The following BEND3 variants were observed in gnomAD, a reference collection of about 807,000 sequenced individuals.
BEND3 encodes BEN domain-containing protein 3.
Under a neutral mutation model 60.1 loss-of-function variants are expected in BEND3, and 13 were observed. The ratio of observed to expected loss-of-function variants is 0.22; its 90% CI spans 0.14 to 0.34. BEND3 has a LOEUF of 0.34. BEND3 is among the 10% of genes least tolerant of loss of function. BEND3 has a pLI of 1.00. For synonymous variants in BEND3, 497 were observed against 491.5 expected (o/e 1.01, Z -0.15); for missense variants, 896 against 1,138.1 (o/e 0.79, Z 3.06).
chr6:107,072,173 T>C (rs1562299745), intron 3 of BEND3, among the ~76,000 whole-genome samples: 1 of 152,208 alleles, frequency 6.6e-6, no homozygotes, highest in Non-Finnish European at 1.5e-5. Flanking sequence ...CTGACAGGCA[T>C]GTGCCTCGGG....
intron 3 of BEND3, among the ~76,000 whole-genome samples, chr6:107,083,369 C>T (rs1226450704): frequency 1.3e-5 from 2 of 152,120 alleles, no homozygotes; most frequent in South Asian, 2.1e-4. Context: ...CCTGTAATCC[C>T]GGCACTTTGG....
At chr6:107,080,370 A>AAC (rs1775204177) in intron 3 of BEND3, among the ~76,000 whole-genome samples, 1 of 145,268 alleles carries the variant, frequency 6.9e-6, no homozygotes, top group Non-Finnish European at 1.5e-5. Flanking sequence ...AAAAAAAAAA[A>AAC]AAAAAAACAA....
At chr6:107,101,736 G>T (rs1554236766) in intron 1 of BEND3, among the ~76,000 whole-genome samples, 2 of 152,162 alleles carry the variant, frequency 1.3e-5, no homozygotes, top group Non-Finnish European at 1.5e-5. Flanking sequence ...TCTGAGCTGG[G>T]TGTCTCTGAG....
At chr6:107,107,117 A>G (rs1165102118) in intron 1 of BEND3, among the ~76,000 whole-genome samples, 13 of 151,442 alleles carry the variant, frequency 8.6e-5, no homozygotes, top group African/African-American at 3.2e-4. Context: ...TTGTATTTTT[A>G]GTAGAGACAG....
intron 3 of BEND3, among the ~76,000 whole-genome samples, chr6:107,090,588 G>A (rs531587455): frequency 6.6e-5 from 10 of 152,080 alleles, no homozygotes; most frequent in East Asian, 1.9e-4. Context: ...GTGTGTGCAC[G>A]CGCGTGTGCA....
chr6:107,103,541 C>G (rs1321818425), intron 1 of BEND3, among the ~76,000 whole-genome samples: 1 of 152,196 alleles, frequency 6.6e-6, no homozygotes, highest in African/African-American at 2.4e-5. Flanking sequence ...CCACCATAAA[C>G]CTCAAATTAT....
intron 1 of BEND3, among the ~76,000 whole-genome samples, chr6:107,113,155 T>TA (rs111960167): frequency 0.05 from 6,321 of 125,648 alleles, 446 homozygotes; most frequent in African/African-American, 0.17. Flanking sequence ...AGACTCTGTC[T>TA]AAAAAAAAAA....
rs1582663147 is a variant in BEND3 at position 107,096,054 on chromosome 6, G to A, written c.240+2497C>T. ...GACTTTGGGCAATAATGTGTCAATG[G>A]GGGATCATCAGTTGTAATAAATGCA... On this transcript the variant is annotated intron_variant, in intron 3 of 3. Coordinates refer to ENST00000369042, the MANE Select transcript of BEND3 (RefSeq NM_001367314.1). Among the ~76,000 whole-genome samples the A allele has an allele frequency of 2.0e-5, 3 of 152,252 alleles. 1 individual carries two copies. The East Asian group carries it at 5.8e-4, about 29-fold the overall frequency.
At chr6:107,098,053 T>TA (rs1554236242) in intron 3 of BEND3, among the ~76,000 whole-genome samples, 1 of 152,114 alleles carries the variant, frequency 6.6e-6, no homozygotes, top group East Asian at 1.9e-4. Context: ...CTCACGCCTG[T>TA]AATCCCAGCA....
At chr6:107,112,089 C>T (rs1395768338) in intron 1 of BEND3, among the ~76,000 whole-genome samples, 2 of 152,158 alleles carry the variant, frequency 1.3e-5, no homozygotes, top group South Asian at 2.1e-4. Flanking sequence ...TAGCGACCTT[C>T]ATACTCTATG....
At chr6:107,075,017 C>T (rs1206319865) in intron 3 of BEND3, among the ~76,000 whole-genome samples, 4 of 151,962 alleles carry the variant, frequency 2.6e-5, no homozygotes, top group African/African-American at 9.7e-5. Flanking sequence ...AGGAGAATCA[C>T]TTGAACCCGG....
intron 1 of BEND3, among the ~76,000 whole-genome samples, chr6:107,103,872 C>T (rs868908540): frequency 6.7e-6 from 1 of 148,790 alleles, no homozygotes; most frequent in Non-Finnish European, 1.5e-5. Flanking sequence ...CGCTTGAATC[C>T]GGGAGGCGGA....
chr6:107,101,927 C>T (rs1775709633), intron 1 of BEND3, among the ~76,000 whole-genome samples: 1 of 152,078 alleles, frequency 6.6e-6, no homozygotes, highest in Admixed American at 6.6e-5. Context: ...ACAGATGGGG[C>T]AAAACGATGG....
intron 3 of BEND3, among the ~76,000 whole-genome samples, chr6:107,085,395 C>T (rs1775322738): frequency 6.6e-6 from 1 of 152,188 alleles, no homozygotes; most frequent in South Asian, 2.1e-4. Flanking sequence ...GAGAAAAATC[C>T]CCTTCTACTT....
chr6:107,103,495 T>C (rs1412446222), intron 1 of BEND3, among the ~76,000 whole-genome samples: 1 of 152,254 alleles, frequency 6.6e-6, no homozygotes, highest in African/African-American at 2.4e-5. Context: ...CTTCTCATTC[T>C]GACATTCTCT....
intron 3 of BEND3, among the ~76,000 whole-genome samples, chr6:107,086,554 G>T (rs1775352558): frequency 6.6e-6 from 1 of 151,936 alleles, no homozygotes; most frequent in African/African-American, 2.4e-5. Flanking sequence ...GGCGAAGGTT[G>T]CAGTGAGCCG....
At chr6:107,075,125 C>A (rs1364032249) in intron 3 of BEND3, among the ~76,000 whole-genome samples, 1 of 150,986 alleles carries the variant, frequency 6.6e-6, no homozygotes, top group African/African-American at 2.4e-5. Flanking sequence ...ACTAGGGAGG[C>A]TTAGGTGGGA....
chr6:107,093,219 G>A (rs1312042846), intron 3 of BEND3, among the ~76,000 whole-genome samples: 1 of 152,162 alleles, frequency 6.6e-6, no homozygotes, highest in Non-Finnish European at 1.5e-5. Context: ...CCAGCACTTT[G>A]GGAGGCTGAG....
rs147707098 is a variant in BEND3 at position 107,099,117 on chromosome 6, C to T, written c.37+132G>A. 7.2e-4 allele frequency: 518 copies of T among 715,724 alleles called. 1 individual carries two copies. The highest frequency in any genetic ancestry group is 1.1e-3 in the Non-Finnish European group (445 of 417,352). The allele number at this position is 715,724 out of a possible 1,614,324, so 44.3% of individuals were successfully genotyped here. ...TGTGTGGGTGGAGGGGGATGGGAAC[C>T]GGGGAACAAGTGTGTGGGTGGAGGG... On this transcript the variant is annotated intron_variant, in intron 2 of 3. Coordinates refer to ENST00000369042, the MANE Select transcript of BEND3 (RefSeq NM_001367314.1).
Sources: allele counts gnomAD v4.1 joint callset (sites outside exome capture counted in the v4.1 genomes callset), GRCh38; gene constraint gnomAD v4.1.1; transcripts MANE v1.5; gene names NCBI Gene and HGNC (gene_info 2026-07-23, HGNC 2026-07-21).